Variants in PCMT1 observed in about 807,000 individuals in gnomAD.
PCMT1 encodes the protein protein-L-isoaspartate (D-aspartate) O-methyltransferase, also known as protein-L-isoaspartate(D-aspartate) O-methyltransferase.
PCMT1 carries 9 observed loss-of-function variants against 29.2 expected under a neutral mutation model. The ratio of observed to expected loss-of-function variants is 0.31; its 90% CI spans 0.19 to 0.54. The LOEUF (loss-of-function observed/expected upper bound fraction) is 0.54, where lower values mean the gene tolerates loss of function less well. Among genes scored for constraint, PCMT1 ranks in the 20% least tolerant of loss-of-function variants. The pLI, the probability that PCMT1 is intolerant of heterozygous loss-of-function variation, is 0.95. For missense variants in PCMT1, 184 were observed against 282.2 expected, an observed-to-expected ratio of 0.65 and a Z score of 2.49; for synonymous variants, 98 against 97.5, an observed-to-expected ratio of 1.00 and a Z score of -0.03.
intron 7 of PCMT1, among the ~76,000 whole-genome samples, chr6:149,804,993 A>G (rs940102615): frequency 1.3e-5 from 2 of 152,122 alleles, no homozygotes; most frequent in Admixed American, 6.6e-5. Flanking sequence ...TGTAATCCCA[A>G]TGCTTTGGGA....
Position 149,791,129 on chromosome 6 carries a change from T to G in PCMT1, c.297+1071T>G, listed in dbSNP as rs1000237866. ...TCCCCACCGGGCCCTGGGACATGTC[T>G]GAGGGTCCCAGGGAAATCCAGTCAC... On this transcript the variant is annotated intron_variant, in intron 4 of 7. Transcript: ENST00000464889. Among the ~76,000 whole-genome samples the G allele has an allele frequency of 3.5e-4, 54 of 152,164 alleles. 1 individual carries two copies. The highest frequency in any genetic ancestry group is 1.3e-3 in the African/African-American group (54 of 41,446).
At chr6:149,771,139 A>T in intron 1 of PCMT1, 23 bp from the exon 2 acceptor site, 1 of 1,372,284 alleles carries the variant, frequency 7.3e-7, no homozygotes, top group South Asian at 1.2e-5. Context: ...CTCTTCTGAA[A>T]ATATTTGCCT....
At chr6:149,767,335 T>A (rs1048702404) in intron 1 of PCMT1, among the ~76,000 whole-genome samples, 1 of 151,824 alleles carries the variant, frequency 6.6e-6, no homozygotes, top group African/African-American at 2.4e-5. Flanking sequence ...GCTGGAATTA[T>A]AGGCATGAGT....
chr6:149,810,595 TTC>T lies in PCMT1; in HGVS notation c.*38-15_*38-14del, dbSNP rs749483125. 6.5e-7 allele frequency: 1 copy of T among 1,543,870 alleles called. No homozygotes were observed. The highest frequency in any genetic ancestry group is 8.8e-7 in the Non-Finnish European group (1 of 1,141,292). On this transcript the variant is annotated intron_variant, in intron 7 of 7. Coordinates refer to ENST00000464889, the MANE Select transcript of PCMT1 (RefSeq NM_001360452.2). ...TAGTGTGTAACTCCTACTAATGTAT[TTC>T]TCTCTTTTTTCCTCACAGGGATGAA...
At chr6:149,763,912 G>A (rs1483932513) in intron 1 of PCMT1, among the ~76,000 whole-genome samples, 2 of 152,170 alleles carry the variant, frequency 1.3e-5, no homozygotes, top group East Asian at 1.9e-4. Context: ...TGTCATGTGA[G>A]TGAATTATGA....
At chr6:149,767,598 A>G (rs958485750) in intron 1 of PCMT1, among the ~76,000 whole-genome samples, 7 of 151,148 alleles carry the variant, frequency 4.6e-5, no homozygotes, top group African/African-American at 1.7e-4. Flanking sequence ...GTCTACAGGT[A>G]TGCGTCACTA....
chr6:149,810,683 T>C lies in PCMT1; in HGVS notation c.*105T>C. ...TACAGTGGATTGCTCATCTCAGTCC[T>C]CAAAGCTTTTTGAAAACCAACACCA... On this transcript the variant is annotated 3_prime_UTR_variant, in exon 8 of 8. Transcript: ENST00000464889. 7.0e-7 allele frequency: 1 copy of C among 1,424,214 alleles called. No homozygotes were observed. The highest frequency in any genetic ancestry group is 9.7e-7 in the Non-Finnish European group (1 of 1,035,396). 88.2% of individuals were successfully genotyped at this position (1,424,214 alleles called of 1,614,324 possible).
intron 3 of PCMT1, among the ~76,000 whole-genome samples, chr6:149,785,442 G>T (rs190363044): frequency 0.062 from 8,986 of 144,842 alleles, 202 homozygotes; most frequent in Middle Eastern, 0.12. Flanking sequence ...TCATTCTTGG[G>T]TGTTTCTCGC....
chr6:149,773,000 CAGTG>C, intron 2 of PCMT1, 134 bp from the exon 3 acceptor site: 1 of 614,324 alleles, frequency 1.6e-6, no homozygotes, highest in Non-Finnish European at 2.6e-6. Context: ...CTGGGCGACA[CAGTG>C]AGACTGTCTC....
chr6:149,764,103 A>G (rs922892214), intron 1 of PCMT1, among the ~76,000 whole-genome samples: 11 of 152,218 alleles, frequency 7.2e-5, no homozygotes, highest in Admixed American at 2.6e-4. Flanking sequence ...ACCCTCTGGG[A>G]TTTGAATTAA....
At chr6:149,802,945 C>T (rs947055221) in intron 7 of PCMT1, among the ~76,000 whole-genome samples, 11 of 148,200 alleles carry the variant, frequency 7.4e-5, no homozygotes, top group African/African-American at 2.0e-4. Flanking sequence ...CCCAGCTACT[C>T]GGGAGGCTGA....
chr6:149,758,192 T>TTTC (rs1786588172), intron 1 of PCMT1, among the ~76,000 whole-genome samples: 1 of 101,740 alleles, frequency 9.8e-6, no homozygotes, highest in Non-Finnish European at 1.8e-5. Context: ...CCAATTTTTT[T>TTTC]TTTCTTTCTT....
chr6:149,758,271 C>T (rs1786598410), intron 1 of PCMT1, among the ~76,000 whole-genome samples: 2 of 140,166 alleles, frequency 1.4e-5, no homozygotes, highest in South Asian at 2.3e-4. Flanking sequence ...AGTGCAGTGG[C>T]GCAACCTCAG....
Position 149,809,797 on chromosome 6 carries a change from A to G in PCMT1, c.*38-819A>G, listed in dbSNP as rs769941076. On this transcript the variant is annotated intron_variant, in intron 7 of 7. Transcript: ENST00000464889. ...CTACATTTCTTTCCCCTCTTTCTATATATACATATATGTAATTTTTTTCCT... is the reference window on the plus strand; with the variant it reads ...CTACATTTCTTTCCCCTCTTTCTATGTATACATATATGTAATTTTTTTCCT... 1.6e-3 allele frequency among the ~76,000 whole-genome samples: 251 copies of G among 152,144 alleles called. 1 individual carries two copies. The highest frequency in any genetic ancestry group is 3.4e-3 in the Middle Eastern group (1 of 294).
At chr6:149,771,909 G>A in intron 2 of PCMT1, 1 of 450,186 alleles carries the variant, frequency 2.2e-6, no homozygotes, top group South Asian at 1.6e-5. Context: ...TTAGTTTTCA[G>A]GTTAGGATTA....
intron 3 of PCMT1, among the ~76,000 whole-genome samples, chr6:149,779,250 C>T (rs1157895224): frequency 1.4e-5 from 1 of 74,046 alleles, no homozygotes; most frequent in Non-Finnish European, 3.3e-5. Flanking sequence ...GGATGTAAAA[C>T]ATATGGTGTA....
At chr6:149,795,662 C>T (rs3805753) in intron 5 of PCMT1, 191,288 of 401,172 alleles carry the variant, frequency 0.48, 51,727 homozygotes, top group East Asian at 0.81. Flanking sequence ...TAGGAATTAC[C>T]TGTTGTCCTG....
intron 7 of PCMT1, among the ~76,000 whole-genome samples, chr6:149,808,778 A>G (rs1013536710): frequency 4.6e-5 from 7 of 151,856 alleles, no homozygotes; most frequent in Non-Finnish European, 1.0e-4. Context: ...CTAGGATTAC[A>G]GGTGCATGCC....
In PCMT1 at chr6:149,790,010, T is replaced by G. The variant is rs1207152133; in HGVS notation, c.249T>G (p.Leu83=). Residue 83 remains leucine (L), a synonymous_variant, in exon 4 of 8, where the codon CTT becomes CTG. Transcript: ENST00000464889. The part of the protein sequence containing the change: ...FDQLHEGAKA[L]DVGSGSGILT... Reference sequence around the variant, plus strand: ...AGTTGCATGAAGGAGCTAAAGCTCTTGATGTAGGATCTGGAAGTGGAATCC... The same window carrying G: ...AGTTGCATGAAGGAGCTAAAGCTCTGGATGTAGGATCTGGAAGTGGAATCC... The G allele has an allele frequency of 6.2e-7, 1 of 1,612,080 alleles. No individual in the cohort carries two copies. The highest frequency in any genetic ancestry group is 2.2e-5 in the East Asian group (1 of 44,856).
Sources: allele counts gnomAD v4.1 joint callset (sites outside exome capture counted in the v4.1 genomes callset), GRCh38; gene constraint gnomAD v4.1.1; transcripts MANE v1.5; gene names NCBI Gene and HGNC (gene_info 2026-07-23, HGNC 2026-07-21).